The following SNX7 variants were observed in gnomAD, a reference collection of about 807,000 sequenced individuals.
SNX7 encodes the protein sorting nexin-7.
Under a neutral mutation model 48.4 loss-of-function variants are expected in SNX7, and 35 were observed. The ratio of observed to expected loss-of-function variants is 0.72; its 90% confidence interval spans 0.55 to 0.96. The LOEUF (loss-of-function observed/expected upper bound fraction) is 0.96, where lower values mean the gene tolerates loss of function less well. Ranked by LOEUF, SNX7 falls within the 40% of genes least tolerant of loss-of-function variation. The pLI is 0.00. For missense variants in SNX7, 553 were observed against 548.9 expected, an observed-to-expected ratio of 1.01 and a Z score of -0.07; for synonymous variants, 190 against 190.2, an observed-to-expected ratio of 1.00 and a Z score of 0.01.
chr1:98,706,601 C>A (rs1311827562), intron 7 of SNX7, among the ~76,000 whole-genome samples: 1 of 152,092 alleles, frequency 6.6e-6, no homozygotes, highest in Non-Finnish European at 1.5e-5. Context: ...GGAGAAAGCA[C>A]AAGATGATGT....
Position 98,698,730 on chromosome 1 carries a change from A to T in SNX7, c.863A>T (p.Tyr288Phe). 1 of 1,612,426 alleles carries T rather than the reference A, an allele frequency of 6.2e-7. No individual in the cohort carries two copies. Among genetic ancestry groups the T allele is most frequent in the Non-Finnish European group, 8.5e-7 (1 of 1,179,150 alleles). ...GAATATTTTGATGAAATGAAAGAAT[A>T]TGGCCCAATTCATATTCTGTGGTCA... ...EREYFDEMKE[Y>F]GPIHILWSAS... The change falls in exon 6 of 9, where the codon TAT becomes TTT. Residue 288 changes from tyrosine (Y) to phenylalanine (F), a missense_variant. By Grantham distance (22) the Tyr-to-Phe change is conservative (BLOSUM62 3). Transcript: ENST00000306121.
At chr1:98,744,809 TG>T in intron 8 of SNX7, among the ~76,000 whole-genome samples, 1 of 152,034 alleles carries the variant, frequency 6.6e-6, no homozygotes, top group Non-Finnish European at 1.5e-5. Context: ...TTTCAGTGAG[TG>T]GTGCAAAAGC....
intron 1 of SNX7, among the ~76,000 whole-genome samples, chr1:98,681,523 C>G (rs190883300): frequency 6.6e-6 from 1 of 152,268 alleles, no homozygotes; most frequent in Admixed American, 6.5e-5. Flanking sequence ...TCTTAAACCT[C>G]TATCTACCTT....
At chr1:98,754,036 A>G (rs1309189184) in intron 8 of SNX7, among the ~76,000 whole-genome samples, 1 of 152,054 alleles carries the variant, frequency 6.6e-6, no homozygotes, top group Admixed American at 6.6e-5. Context: ...CTTTTTGTAG[A>G]TGTTCCTCGG....
At chr1:98,739,198 T>C (rs9724782) in intron 8 of SNX7, among the ~76,000 whole-genome samples, 75,630 of 151,742 alleles carry the variant, frequency 0.5, 19,278 homozygotes, top group African/African-American at 0.6. Context: ...GTTCACACTC[T>C]TGTGAGAATC....
chr1:98,690,607 A>G (rs1408198398), intron 2 of SNX7, among the ~76,000 whole-genome samples: 1 of 152,120 alleles, frequency 6.6e-6, no homozygotes, highest in Non-Finnish European at 1.5e-5. Context: ...TCATTTGAGC[A>G]AATTCCAAGA....
chr1:98,739,908 C>T (rs1290874902), intron 8 of SNX7, among the ~76,000 whole-genome samples: 3 of 152,092 alleles, frequency 2.0e-5, no homozygotes, highest in Admixed American at 6.6e-5. Context: ...GGAAACTGAC[C>T]GGATCAGACT....
intron 7 of SNX7, among the ~76,000 whole-genome samples, chr1:98,729,518 A>G (rs1653376942): frequency 6.6e-6 from 1 of 151,692 alleles, no homozygotes; most frequent in South Asian, 2.1e-4. Context: ...AAAAATTAAT[A>G]TTAGTAATGA....
Position 98,701,797 on chromosome 1 carries a change from C to G in SNX7, c.1039-20C>G. ...TAAAACTAAGTACAGCCTATTTTATCTGTGTGTTTTAATGTAAAGGGTGTT... is the reference window on the plus strand; with the variant it reads ...TAAAACTAAGTACAGCCTATTTTATGTGTGTGTTTTAATGTAAAGGGTGTT... On this transcript the variant is annotated intron_variant, in intron 6 of 8. Transcript: ENST00000306121. 2 of 1,537,720 alleles carry G rather than the reference C, an allele frequency of 1.3e-6. No individual in the cohort carries two copies. Among genetic ancestry groups the G allele is most frequent in the Non-Finnish European group, 1.8e-6 (2 of 1,123,112 alleles).
chr1:98,750,510 A>C (rs908606662), intron 8 of SNX7, among the ~76,000 whole-genome samples: 1 of 152,146 alleles, frequency 6.6e-6, no homozygotes, highest in Non-Finnish European at 1.5e-5. Context: ...ATGAAAGAAA[A>C]GTCTTAGAAG....
intron 7 of SNX7, among the ~76,000 whole-genome samples, chr1:98,713,757 T>C (rs1341353097): frequency 6.6e-6 from 1 of 152,208 alleles, no homozygotes; most frequent in Non-Finnish European, 1.5e-5. Flanking sequence ...GACAGGAGAA[T>C]GGTCAGTGAT....
At chr1:98,684,775 T>C (rs1650693578) in intron 1 of SNX7, 110 bp from the exon 2 acceptor site, 11 of 762,292 alleles carry the variant, frequency 1.4e-5, no homozygotes, top group Non-Finnish European at 1.7e-5. Flanking sequence ...TAACTAAAAG[T>C]CCAATAATCC....
intron 7 of SNX7, among the ~76,000 whole-genome samples, chr1:98,729,868 T>C (rs1653405509): frequency 1.3e-5 from 2 of 152,088 alleles, no homozygotes; most frequent in South Asian, 2.1e-4. Context: ...GAAACTATTC[T>C]AAACAACTGA....
chr1:98,697,272 A>G (rs1285845006), intron 5 of SNX7, among the ~76,000 whole-genome samples: 3 of 152,114 alleles, frequency 2.0e-5, no homozygotes, highest in Non-Finnish European at 4.4e-5. Context: ...CATAACAACT[A>G]GTATCTCCAT....
chr1:98,759,478 A>T (rs1371262430), intron 8 of SNX7, among the ~76,000 whole-genome samples: 2 of 152,052 alleles, frequency 1.3e-5, no homozygotes, highest in African/African-American at 2.4e-5. Flanking sequence ...TTAATAACTA[A>T]GTCTTTCCAC....
intron 7 of SNX7, among the ~76,000 whole-genome samples, chr1:98,707,737 C>T (rs1418140239): frequency 6.6e-6 from 1 of 152,078 alleles, no homozygotes; most frequent in African/African-American, 2.4e-5. Flanking sequence ...GATATAATGC[C>T]ATAGCTGTTT....
chr1:98,737,795 G>A (rs1653868472), intron 7 of SNX7, among the ~76,000 whole-genome samples: 1 of 152,106 alleles, frequency 6.6e-6, no homozygotes, highest in African/African-American at 2.4e-5. Flanking sequence ...GTTAGTTGAG[G>A]CTTCAGCTAA....
At position 98,737,744 on chromosome 1, in the gene SNX7, C is replaced by T. The variant is rs1047514387; in HGVS notation, c.1126-493C>T. Among the ~76,000 whole-genome samples the T allele has an allele frequency of 9.2e-5, 14 of 152,140 alleles. No individual in the cohort carries two copies. The South Asian group carries it at 2.5e-3, about 27-fold the overall frequency. The stretch of plus-strand genomic sequence containing the variant: ...GAGTTTGCAGGTTAATCCCCTGGGC[C>T]TCCAGGTGGGACTACAGAGTATGGA... On this transcript the variant is annotated intron_variant, in intron 7 of 8. Coordinates refer to ENST00000306121, the MANE Select transcript of SNX7 (RefSeq NM_015976.5).
chr1:98,697,101 G>T (rs1185163861), intron 5 of SNX7, among the ~76,000 whole-genome samples: 3 of 152,004 alleles, frequency 2.0e-5, no homozygotes, highest in Non-Finnish European at 4.4e-5. Flanking sequence ...TTGAGAAAAT[G>T]AGAAATTTGA....
Sources: gnomAD v4.1 joint callset for allele counts (sites outside exome capture counted in the v4.1 genomes callset) on GRCh38, gnomAD v4.1.1 for gene constraint, MANE v1.5 for transcripts, NCBI Gene and HGNC (gene_info 2026-07-23, HGNC 2026-07-21) for gene names.